ERP44: variants seen among roughly 807,000 people sequenced by gnomAD.
ERP44 encodes endoplasmic reticulum resident protein 44.
In ERP44, 25 loss-of-function variants were observed where a neutral mutation model predicts 53.4. The ratio of observed to expected loss-of-function variants is 0.47; its 90% CI spans 0.34 to 0.65. The LOEUF is 0.65. Ranked by LOEUF, ERP44 falls within the 30% of genes least tolerant of loss-of-function variation. The pLI is 0.01. For synonymous variants in ERP44, 145 were observed against 161.2 expected (o/e 0.90, Z 0.76); for missense variants, 338 against 493.2 (o/e 0.69, Z 2.98).
At chr9:100,087,319 C>A (rs1826496198) in intron 1 of ERP44, among the ~76,000 whole-genome samples, 1 of 152,212 alleles carries the variant, frequency 6.6e-6, no homozygotes, top group South Asian at 2.1e-4. Context: ...GGCATAATGA[C>A]AATGTAATTA....
chr9:100,051,409 G>T (rs1826035718), intron 4 of ERP44, among the ~76,000 whole-genome samples: 1 of 152,142 alleles, frequency 6.6e-6, no homozygotes, highest in South Asian at 2.1e-4. Flanking sequence ...ATTTTAATCA[G>T]TAGGTTAAGT....
In ERP44 at chr9:100,018,141, T is replaced by G. The variant is rs539755513; in HGVS notation, c.645+115A>C. 8 of 752,670 alleles carry G rather than the reference T, an allele frequency of 1.1e-5. No individual in the cohort carries two copies. The South Asian group carries it at 1.2e-4, about 11-fold the overall frequency. 46.6% of individuals were successfully genotyped at this position (752,670 alleles called of 1,614,324 possible). A position where few individuals can be genotyped will look rare whatever the true frequency, so the allele number is the denominator to read the frequency against. ...ATCAGCACAAGATGATGCTTCAAAC[T>G]TCCTTTCAATTCTAAAGTTCTATTA... On this transcript the variant is annotated intron_variant, in intron 7 of 11. Coordinates refer to ENST00000262455, the MANE Select transcript of ERP44 (RefSeq NM_015051.3).
intron 4 of ERP44, among the ~76,000 whole-genome samples, chr9:100,034,112 G>A (rs1279507995): frequency 6.6e-6 from 1 of 152,150 alleles, no homozygotes; most frequent in Non-Finnish European, 1.5e-5. Context: ...TTCTCAGGAG[G>A]TTAGGCATTC....
intron 2 of ERP44, among the ~76,000 whole-genome samples, chr9:100,058,408 A>C (rs1826108198): frequency 6.6e-6 from 1 of 152,216 alleles, no homozygotes; most frequent in South Asian, 2.1e-4. Context: ...ATTTAAAGCA[A>C]ATGTGAAATA....
At chr9:99,998,967 T>C in intron 10 of ERP44, 1 of 1,481,424 alleles carries the variant, frequency 6.8e-7, no homozygotes, top group Non-Finnish European at 9.4e-7. Context: ...GTTTTTATAT[T>C]CTGGATCTCA....
At position 100,018,287 on chromosome 9, in the gene ERP44, C is replaced by G; in HGVS notation, c.614G>C (p.Ser205Thr). 6.2e-7 allele frequency: 1 copy of G among 1,607,558 alleles called. No homozygotes were observed. Among genetic ancestry groups the G allele is most frequent in the Non-Finnish European group, 8.5e-7 (1 of 1,174,238 alleles). ...TGGTTTGTAGATTATGTTGTCGCCA[C>G]TATATCTTTCCGGTTTTGAAACATC... ...FGDVSKPERY[S>T]GDNIIYKPPG... is the part of the protein sequence containing the mutation. The change falls in exon 7 of 12, where the codon AGT becomes ACT. Residue 205 changes from serine (S) to threonine (T), a missense_variant. Physicochemically the swap from Ser to Thr is moderately conservative, Grantham distance 58. Transcript: ENST00000262455.
intron 4 of ERP44, among the ~76,000 whole-genome samples, chr9:100,045,781 T>C (rs577259092): frequency 1.6e-4 from 25 of 152,264 alleles, no homozygotes; most frequent in African/African-American, 6.0e-4. Flanking sequence ...CATGATGATA[T>C]CTTGATTCTG....
chr9:100,017,365 C>A (rs1383453986), intron 7 of ERP44, among the ~76,000 whole-genome samples: 2 of 152,156 alleles, frequency 1.3e-5, no homozygotes, highest in Non-Finnish European at 2.9e-5. Context: ...GAAGGTGGCA[C>A]ATTTGACATT....
intron 1 of ERP44, among the ~76,000 whole-genome samples, chr9:100,064,289 T>C (rs1455425078): frequency 6.6e-6 from 1 of 152,160 alleles, no homozygotes; most frequent in Non-Finnish European, 1.5e-5. Flanking sequence ...CATTCAAATA[T>C]GTACTAAATG....
At chr9:100,013,364 GAA>G (rs1452045249) in intron 8 of ERP44, among the ~76,000 whole-genome samples, 1 of 142,988 alleles carries the variant, frequency 7.0e-6, no homozygotes, top group Non-Finnish European at 1.6e-5. Context: ...GGGAAAATTA[GAA>G]AAACCAGAGT....
At chr9:99,989,199 T>C (rs1390833609) in intron 10 of ERP44, among the ~76,000 whole-genome samples, 2 of 152,104 alleles carry the variant, frequency 1.3e-5, no homozygotes, top group African/African-American at 2.4e-5. Context: ...TCCCAGCATG[T>C]TTGAGCTCTG....
chr9:100,059,687 C>T (rs777101564), intron 2 of ERP44, among the ~76,000 whole-genome samples: 14 of 151,912 alleles, frequency 9.2e-5, no homozygotes, highest in Non-Finnish European at 1.8e-4. Context: ...CAAAGCAAGA[C>T]CCTTTCTCTA....
At chr9:100,053,025 C>T (rs1826054241) in intron 3 of ERP44, among the ~76,000 whole-genome samples, 1 of 152,084 alleles carries the variant, frequency 6.6e-6, no homozygotes, top group Admixed American at 6.5e-5. Context: ...TCAAGCAATC[C>T]TCCCACCTCA....
At position 99,981,361 on chromosome 9, in the gene ERP44, A is replaced by C. The variant is rs77514765; in HGVS notation, c.*1251T>G. 1.9e-3 allele frequency: 285 copies of C among 152,782 alleles called. No individual in the cohort carries two copies. Among genetic ancestry groups the C allele is most frequent in the African/African-American group, 6.6e-3 (274 of 41,582 alleles). 9.5% of individuals were successfully genotyped at this position (152,782 alleles called of 1,614,324 possible). A position where few individuals can be genotyped will look rare whatever the true frequency, so the allele number is the denominator to read the frequency against. ...TTTTAAAAGAATTGGAAGATGTTACATATATTACATACTACATATAATGGC... is the reference window on the plus strand; with the variant it reads ...TTTTAAAAGAATTGGAAGATGTTACCTATATTACATACTACATATAATGGC... On this transcript the variant is annotated 3_prime_UTR_variant, in exon 12 of 12. Transcript: ENST00000262455.
At chr9:100,076,715 CTTT>C (rs796998286) in intron 1 of ERP44, among the ~76,000 whole-genome samples, 24 of 152,316 alleles carry the variant, frequency 1.6e-4, no homozygotes, top group African/African-American at 5.5e-4. Flanking sequence ...GGATGAACTT[CTTT>C]GAGTGGTCAA....
At chr9:100,006,420 G>C (rs1416801067) in intron 10 of ERP44, 86 bp downstream of exon 10, 9 of 1,015,254 alleles carry the variant, frequency 8.9e-6, no homozygotes, top group Non-Finnish European at 1.3e-5. Flanking sequence ...TCCAACATAG[G>C]ATTATTTAAA....
At chr9:100,017,005 G>A (rs1216656420) in intron 7 of ERP44, among the ~76,000 whole-genome samples, 1 of 152,118 alleles carries the variant, frequency 6.6e-6, no homozygotes, top group Non-Finnish European at 1.5e-5. Flanking sequence ...GAAAATTTTA[G>A]AAATTTCTTC....
intron 1 of ERP44, among the ~76,000 whole-genome samples, chr9:100,096,414 A>T (rs1213654952): frequency 2.0e-5 from 3 of 151,806 alleles, no homozygotes; most frequent in Non-Finnish European, 2.9e-5. Flanking sequence ...TATATAAAAG[A>T]TATATATACA....
At chr9:100,096,669 A>G (rs1826634957) in intron 1 of ERP44, among the ~76,000 whole-genome samples, 1 of 152,168 alleles carries the variant, frequency 6.6e-6, no homozygotes, top group Non-Finnish European at 1.5e-5. Context: ...TCATAGTAAG[A>G]GAATATACAG....
Sources: gnomAD v4.1 joint callset for allele counts (sites outside exome capture counted in the v4.1 genomes callset) on GRCh38, gnomAD v4.1.1 for gene constraint, MANE v1.5 for transcripts, NCBI Gene and HGNC (gene_info 2026-07-23, HGNC 2026-07-21) for gene names.